The following TFDP2 variants were observed in gnomAD, a reference collection of about 807,000 sequenced individuals.
TFDP2 encodes the protein transcription factor Dp-2 (E2F dimerization partner 2).
In TFDP2, 17 loss-of-function variants were observed where a neutral mutation model predicts 59.3. The ratio of observed to expected loss-of-function variants is 0.29; its 90% CI spans 0.20 to 0.43. The LOEUF (loss-of-function observed/expected upper bound fraction) is 0.43, where lower values mean the gene tolerates loss of function less well. Ranked by LOEUF, TFDP2 falls within the 20% of genes least tolerant of loss-of-function variation. The probability of loss-of-function intolerance (pLI) is 1.00; values close to 1 mark genes in which losing one functional copy is unlikely to be tolerated. For missense variants in TFDP2, 391 were observed against 528.8 expected (o/e 0.74, Z 2.56); for synonymous variants, 180 against 194.7 (o/e 0.92, Z 0.63).
chr3:142,149,053 C>A (rs1252316564), intron 1 of TFDP2, 130 bp downstream of exon 1: 8 of 393,016 alleles, frequency 2.0e-5, no homozygotes, highest in African/African-American at 1.7e-4. Flanking sequence ...GAACCCAGGT[C>A]TAAACAGATG....
rs545120640 is a variant in TFDP2 at position 141,971,501 on chromosome 3, G to T, written c.664-1360C>A. On this transcript the variant is annotated intron_variant, in intron 8 of 12. Coordinates refer to ENST00000489671, the MANE Select transcript of TFDP2 (RefSeq NM_001178139.2). ...GAGGCGGAGGTTGCAGTGAGCCGAA[G>T]ATTGCGCCACTGAACTCCAGCCTGG... Among the ~76,000 whole-genome samples, 5 of 151,810 alleles carry T rather than the reference G, an allele frequency of 3.3e-5. No individual in the cohort carries two copies. The East Asian group carries it at 9.7e-4, about 29-fold the overall frequency.
rs1008967578 is a variant in TFDP2, at chr3:141,951,897, T to G, written c.*616A>C. 3 of 152,634 alleles carry G rather than the reference T, an allele frequency of 2.0e-5. No homozygotes were observed. Among genetic ancestry groups the G allele is most frequent in the Admixed American group, 6.5e-5 (1 of 15,270 alleles). 9.5% of individuals were successfully genotyped at this position (152,634 alleles called of 1,614,324 possible). A position where few individuals can be genotyped will look rare whatever the true frequency, so the allele number is the denominator to read the frequency against. On this transcript the variant is annotated 3_prime_UTR_variant, in exon 13 of 13. Coordinates refer to ENST00000489671, the MANE Select transcript of TFDP2 (RefSeq NM_001178139.2). ...ATAAATTATCTAAATGTCACTTAAGTACTTAAGAAGTAGCGCTCGCTCCTT... is the reference window on the plus strand; with the variant it reads ...ATAAATTATCTAAATGTCACTTAAGGACTTAAGAAGTAGCGCTCGCTCCTT...
At chr3:142,028,624 T>C (rs958418028) in intron 3 of TFDP2, 1 of 985,388 alleles carries the variant, frequency 1.0e-6, no homozygotes, top group Middle Eastern at 5.2e-4. Context: ...AACAACATTC[T>C]ACAGTCTTTG....
At chr3:142,141,127 A>C (rs1298814423) in intron 1 of TFDP2, among the ~76,000 whole-genome samples, 1 of 152,152 alleles carries the variant, frequency 6.6e-6, no homozygotes, top group Admixed American at 6.5e-5. Context: ...ATCTCAGACT[A>C]CTTCGCTAGC....
intron 3 of TFDP2, among the ~76,000 whole-genome samples, chr3:142,092,697 A>C (rs1426710650): frequency 6.6e-6 from 1 of 152,224 alleles, no homozygotes; most frequent in Non-Finnish European, 1.5e-5. Context: ...ACACACGTAT[A>C]TAAAATATAC....
At chr3:142,028,783 T>C in intron 3 of TFDP2, 6 of 922,342 alleles carry the variant, frequency 6.5e-6, no homozygotes, top group Non-Finnish European at 7.8e-6. Flanking sequence ...GAATACTGTT[T>C]ACAACAAAGA....
intron 3 of TFDP2, among the ~76,000 whole-genome samples, chr3:142,061,470 A>G (rs992957530): frequency 1.3e-5 from 2 of 152,144 alleles, no homozygotes; most frequent in African/African-American, 4.8e-5. Context: ...ATGTTTCTGG[A>G]AGAGACTAGC....
At chr3:142,011,623 G>A (rs1201379678) in intron 3 of TFDP2, among the ~76,000 whole-genome samples, 6 of 134,248 alleles carry the variant, frequency 4.5e-5, no homozygotes, top group South Asian at 2.5e-4. Flanking sequence ...AAGAAGTGAG[G>A]AAAACAAGGA....
chr3:141,954,514 G>A (rs1168056546), intron 11 of TFDP2, among the ~76,000 whole-genome samples: 2 of 151,902 alleles, frequency 1.3e-5, no homozygotes, highest in South Asian at 2.1e-4. Flanking sequence ...ATACATGCCT[G>A]TAATCCCAGC....
At chr3:142,025,489 A>G (rs986808468) in intron 3 of TFDP2, among the ~76,000 whole-genome samples, 3 of 152,188 alleles carry the variant, frequency 2.0e-5, no homozygotes, top group East Asian at 1.9e-4. Flanking sequence ...TCATGTCTAC[A>G]TTTATAATTG....
At chr3:142,024,928 G>A (rs1945951669) in intron 3 of TFDP2, among the ~76,000 whole-genome samples, 1 of 151,958 alleles carries the variant, frequency 6.6e-6, no homozygotes, top group Non-Finnish European at 1.5e-5. Context: ...GCTGAGGCAG[G>A]AGAATTGCTT....
intron 3 of TFDP2, among the ~76,000 whole-genome samples, chr3:142,050,272 A>AT (rs1159885368): frequency 4.6e-5 from 7 of 151,154 alleles, no homozygotes; most frequent in African/African-American, 1.7e-4. Flanking sequence ...TCAAAAAAAA[A>AT]AAAATAATAA....
intron 3 of TFDP2, among the ~76,000 whole-genome samples, chr3:142,022,213 A>AAC (rs1945671918): frequency 6.6e-6 from 1 of 152,146 alleles, no homozygotes; most frequent in South Asian, 2.1e-4. Flanking sequence ...TCTTATTCAA[A>AAC]ACACACACTC....
At chr3:142,025,101 A>G (rs977154855) in intron 3 of TFDP2, among the ~76,000 whole-genome samples, 1 of 152,180 alleles carries the variant, frequency 6.6e-6, no homozygotes. Context: ...AAGACAATTA[A>G]GGAATTACCT....
At chr3:142,041,463 T>C (rs776821135) in intron 3 of TFDP2, among the ~76,000 whole-genome samples, 67 of 152,254 alleles carry the variant, frequency 4.4e-4, no homozygotes, top group Non-Finnish European at 9.1e-4. Context: ...GATCTGATGG[T>C]TTTATAAAGG....
intron 3 of TFDP2, among the ~76,000 whole-genome samples, chr3:142,013,044 G>A (rs767414841): frequency 1.3e-5 from 2 of 152,092 alleles, no homozygotes; most frequent in Non-Finnish European, 2.9e-5. Context: ...GGCTGAGGCA[G>A]GAGAATCACT....
At chr3:141,993,706 C>A in intron 5 of TFDP2, 121 bp from the exon 6 acceptor site, 1 of 498,562 alleles carries the variant, frequency 2.0e-6, no homozygotes, top group Non-Finnish European at 3.5e-6. Context: ...CTAAAACTAG[C>A]AAATACAAAA....
chr3:141,998,811 T>C lies in TFDP2; in HGVS notation c.187-3670A>G, dbSNP rs530437930. Among the ~76,000 whole-genome samples the C allele has an allele frequency of 2.2e-4, 34 of 152,258 alleles. No homozygotes were observed. In the South Asian group the frequency reaches 2.5e-3, roughly 11 times the overall value. ...TTACTCTGGGAAAATCACATAGCAA[T>C]TGAACATTACTCTGAACATTTTCCT... On this transcript the variant is annotated intron_variant, in intron 4 of 12. Coordinates refer to ENST00000489671, the MANE Select transcript of TFDP2 (RefSeq NM_001178139.2).
At chr3:142,111,920 G>C (rs2061679243) in intron 1 of TFDP2, among the ~76,000 whole-genome samples, 1 of 152,164 alleles carries the variant, frequency 6.6e-6, no homozygotes, top group Non-Finnish European at 1.5e-5. Flanking sequence ...ACAAAAATTA[G>C]CTGGATGTGG....
Sources: allele counts gnomAD v4.1 joint callset (sites outside exome capture counted in the v4.1 genomes callset), GRCh38; gene constraint gnomAD v4.1.1; transcripts MANE v1.5; gene names NCBI Gene and HGNC (gene_info 2026-07-23, HGNC 2026-07-21).